Variants in CSMD2 observed in about 807,000 individuals in gnomAD.
CSMD2 encodes the protein CUB and Sushi multiple domains 2, also known as CUB and sushi domain-containing protein 2.
Under a neutral mutation model 398.5 loss-of-function variants are expected in CSMD2, and 130 were observed. The observed-to-expected ratio is 0.33, with a 90% CI of 0.28 to 0.38. The LOEUF is 0.38. Ranked by LOEUF, CSMD2 falls within the 10% of genes least tolerant of loss-of-function variation. The probability of loss-of-function intolerance (pLI) is 1.00; values close to 1 mark genes in which losing one functional copy is unlikely to be tolerated. For synonymous variants in CSMD2, 1,828 were observed against 1,908.5 expected, an observed-to-expected ratio of 0.96 and a Z score of 1.10; for missense variants, 3,829 against 4,764.9, an observed-to-expected ratio of 0.80 and a Z score of 5.78.
At chr1:33,694,622 A>C (rs1164388327) in intron 24 of CSMD2, among the ~76,000 whole-genome samples, 3 of 152,106 alleles carry the variant, frequency 2.0e-5, no homozygotes, top group African/African-American at 7.2e-5. Flanking sequence ...CCATGATTGT[A>C]TGTTTCCTGA....
intron 1 of CSMD2, among the ~76,000 whole-genome samples, chr1:34,115,150 G>A (rs1661486263): frequency 6.6e-6 from 1 of 151,702 alleles, no homozygotes; most frequent in South Asian, 2.1e-4. Context: ...AGTCTTAGAA[G>A]GAGAAAAGAG....
rs1034001991 is a variant in CSMD2, at chr1:33,743,609, G to A, written c.1847-3C>T. The stretch of plus-strand genomic sequence containing the variant: ...GGTGAAGTTGAAGAAGCAGGAGACT[G>A]CAAGAGAAGAGCAGTGGAGGTCAGT... On this transcript the variant is annotated splice_region_variant and splice_polypyrimidine_tract_variant and intron_variant, in intron 13 of 70. Transcript: ENST00000373381. The A allele has an allele frequency of 6.3e-7, 1 of 1,585,756 alleles. No homozygotes were observed. The highest frequency in any genetic ancestry group is 8.6e-7 in the Non-Finnish European group (1 of 1,162,470).
intron 4 of CSMD2, among the ~76,000 whole-genome samples, chr1:33,925,479 A>T (rs971650062): frequency 5.9e-5 from 9 of 152,164 alleles, no homozygotes; most frequent in African/African-American, 2.2e-4. Flanking sequence ...AGGTAGAATG[A>T]TGCTTCCAGC....
intron 49 of CSMD2, 47 bp from the exon 50 acceptor site, chr1:33,572,738 T>TTCTG (rs754944392): frequency 1.4e-6 from 2 of 1,467,982 alleles, no homozygotes; most frequent in Non-Finnish European, 1.8e-6. Context: ...TAAGATGGTA[T>TTCTG]TCTGAGAAAC....
chr1:33,620,477 C>T (rs1239247559), intron 37 of CSMD2, among the ~76,000 whole-genome samples: 3 of 152,162 alleles, frequency 2.0e-5, no homozygotes, highest in Non-Finnish European at 4.4e-5. Context: ...CTGCCAGTCC[C>T]CTTGGACGAA....
intron 37 of CSMD2, among the ~76,000 whole-genome samples, chr1:33,618,562 C>A (rs1383794398): frequency 6.6e-6 from 1 of 152,116 alleles, no homozygotes; most frequent in Non-Finnish European, 1.5e-5. Flanking sequence ...TCAAATTCAA[C>A]CTGCACTCAT....
intron 5 of CSMD2, among the ~76,000 whole-genome samples, chr1:33,856,793 C>A (rs542538328): frequency 1.3e-5 from 2 of 152,062 alleles, no homozygotes; most frequent in South Asian, 4.2e-4. Flanking sequence ...CCTAGAGTCC[C>A]ATGGAGCTGA....
chr1:33,968,736 G>T (rs1044875230), intron 3 of CSMD2, among the ~76,000 whole-genome samples: 3 of 152,174 alleles, frequency 2.0e-5, no homozygotes, highest in Admixed American at 1.3e-4. Flanking sequence ...CTGCACTGAG[G>T]ACCCACAAGG....
At chr1:33,948,646 C>T (rs1449560125) in intron 3 of CSMD2, among the ~76,000 whole-genome samples, 2 of 152,222 alleles carry the variant, frequency 1.3e-5, no homozygotes, top group African/African-American at 2.4e-5. Flanking sequence ...CGATCCATTT[C>T]CATATAGCCT....
At chr1:33,835,681 A>T (rs1197198093) in intron 6 of CSMD2, among the ~76,000 whole-genome samples, 2 of 64,330 alleles carry the variant, frequency 3.1e-5, no homozygotes, top group African/African-American at 1.6e-4. Context: ...AACAAAACAA[A>T]ACAAAACAAA....
At chr1:33,680,713 G>A (rs1032726158) in intron 25 of CSMD2, among the ~76,000 whole-genome samples, 1 of 151,986 alleles carries the variant, frequency 6.6e-6, no homozygotes, top group Non-Finnish European at 1.5e-5. Context: ...ATGAGGCCTG[G>A]AGCCTTGAAT....
intron 10 of CSMD2, among the ~76,000 whole-genome samples, chr1:33,798,848 G>A (rs964428178): frequency 6.6e-6 from 1 of 152,204 alleles, no homozygotes; most frequent in African/African-American, 2.4e-5. Context: ...GCCACGTGCT[G>A]TCCAGGATTA....
In CSMD2 at chr1:33,796,544, C is replaced by G. The variant is rs1217001665; in HGVS notation, c.1447-4018G>C. Among the ~76,000 whole-genome samples the G allele has an allele frequency of 2.6e-5, 4 of 152,318 alleles. No homozygotes were observed. The East Asian group carries it at 7.7e-4, about 29-fold the overall frequency. On this transcript the variant is annotated intron_variant, in intron 10 of 70. Coordinates refer to ENST00000373381, the MANE Select transcript of CSMD2 (RefSeq NM_001281956.2). Reference sequence around the variant, plus strand: ...CTTATGCCTGTCTTTACTTTAATCTCTTAATCCTGTTATCTTTGTAAGCTG... The same window carrying G: ...CTTATGCCTGTCTTTACTTTAATCTGTTAATCCTGTTATCTTTGTAAGCTG...
chr1:34,036,229 T>C (rs1651109521), intron 2 of CSMD2, among the ~76,000 whole-genome samples: 1 of 152,182 alleles, frequency 6.6e-6, no homozygotes, highest in Non-Finnish European at 1.5e-5. Flanking sequence ...AGCAGCTTTA[T>C]TCCTAATAGC....
chr1:33,662,437 C>T (rs150373164), intron 26 of CSMD2, among the ~76,000 whole-genome samples: 2 of 152,178 alleles, frequency 1.3e-5, no homozygotes, highest in African/African-American at 4.8e-5. Flanking sequence ...GTTCTTTGCA[C>T]CTAGGATGCC....
chr1:34,086,375 C>A (rs1381598738), intron 2 of CSMD2, among the ~76,000 whole-genome samples: 1 of 152,194 alleles, frequency 6.6e-6, no homozygotes, highest in Non-Finnish European at 1.5e-5. Context: ...CTAGCCCTGA[C>A]GGCCTTGAAC....
At chr1:33,810,703 C>T in intron 10 of CSMD2, 40 bp downstream of exon 10, 1 of 1,604,732 alleles carries the variant, frequency 6.2e-7, no homozygotes, top group Non-Finnish European at 8.5e-7. Flanking sequence ...CCAACCTAGC[C>T]CTGCCCACAG....
At chr1:34,039,833 T>C (rs1651628993) in intron 2 of CSMD2, among the ~76,000 whole-genome samples, 1 of 152,038 alleles carries the variant, frequency 6.6e-6, no homozygotes, top group Admixed American at 6.6e-5. Context: ...GGCAGGGGGA[T>C]AGTAGATAAA....
chr1:34,094,969 C>T (rs1341932563), intron 1 of CSMD2, among the ~76,000 whole-genome samples: 2,194 of 141,734 alleles, frequency 0.015, 53 homozygotes, highest in African/African-American at 0.053. Context: ...TTTTTCAGCA[C>T]CACACCACAC....
Sources: allele counts gnomAD v4.1 joint callset (sites outside exome capture counted in the v4.1 genomes callset), GRCh38; gene constraint gnomAD v4.1.1; transcripts MANE v1.5; gene names NCBI Gene and HGNC (gene_info 2026-07-23, HGNC 2026-07-21).